The following SPIRE2 variants were observed in gnomAD, a reference collection of about 807,000 sequenced individuals.
SPIRE2 encodes the protein spire type actin nucleation factor 2, also known as protein spire homolog 2.
A neutral mutation model predicts 80.7 loss-of-function variants in SPIRE2; 76 were observed. That is an observed-to-expected ratio of 0.94 (90% confidence interval 0.78 to 1.14). SPIRE2 has a LOEUF of 1.14. SPIRE2 is among the 50% of genes most tolerant of loss of function. SPIRE2 has a pLI of 0.00. For missense variants in SPIRE2, 1,196 were observed against 1,015.3 expected, an observed-to-expected ratio of 1.18 and a Z score of -2.42; for synonymous variants, 535 against 432.6, an observed-to-expected ratio of 1.24 and a Z score of -2.94.
chr16:89,863,861 G>A lies in SPIRE2; in HGVS notation c.1778G>A (p.Arg593Lys). The A allele has an allele frequency of 1.2e-6, 2 of 1,612,976 alleles. No homozygotes were observed. The highest frequency in any genetic ancestry group is 1.7e-6 in the Non-Finnish European group (2 of 1,179,304). Residue 593 changes from arginine (R) to lysine (K), a missense_variant and splice_region_variant, in exon 12 of 15, where the codon AGA (arginine) becomes AAA (lysine). Arg to Lys is a conservative substitution (Grantham distance 26). Coordinates refer to ENST00000378247, the MANE Select transcript of SPIRE2 (RefSeq NM_032451.2). This position sits in a 1 kb window ranked among gnomAD's most constrained non-coding sequence, Gnocchi z 4.3. ...SWPPSCLFCKRAVCTSCSIKM... is the reference protein window; with the variant it reads ...SWPPSCLFCKKAVCTSCSIKM... ...CCGCCCAGCTGTCTCTTCTGCAAGA[G>A]GTGAGCCTTCCCTTTAGCTGTCAGT... is the stretch of plus-strand genomic sequence containing the variant.
rs1357102107 is a variant in SPIRE2, at chr16:89,870,417, C to T, written c.*145C>T. 3.4e-6 allele frequency: 2 copies of T among 593,944 alleles called. No individual in the cohort carries two copies. The highest frequency in any genetic ancestry group is 2.9e-5 in the East Asian group (1 of 35,038). The allele number at this position is 593,944 out of a possible 1,614,324, so 36.8% of individuals were successfully genotyped here. ...GTCTATATATTTATATACACTGTTT[C>T]CTGGCCCCAGAGCTCATTTGGGTTC... On this transcript the variant is annotated 3_prime_UTR_variant, in exon 15 of 15. Transcript: ENST00000378247.
Position 89,853,529 on chromosome 16 carries a change from G to A in SPIRE2, c.646-757G>A, listed in dbSNP as rs547457088. 1.1e-4 allele frequency among the ~76,000 whole-genome samples: 17 copies of A among 152,240 alleles called. 1 individual carries two copies. The highest frequency in any genetic ancestry group is 9.2e-4 in the Admixed American group (14 of 15,290). On this transcript the variant is annotated intron_variant, in intron 3 of 14. Coordinates refer to ENST00000378247, the MANE Select transcript of SPIRE2 (RefSeq NM_032451.2). ...CCCTTTGCCCTGGGCTGGCATACATGAGGCCTGTGGGCAGACACACACCTC... is the reference window on the plus strand; with the variant it reads ...CCCTTTGCCCTGGGCTGGCATACATAAGGCCTGTGGGCAGACACACACCTC...
At chr16:89,850,258 C>G in intron 2 of SPIRE2, 46 bp from the exon 3 acceptor site, 4 of 1,555,432 alleles carry the variant, frequency 2.6e-6, no homozygotes, top group Non-Finnish European at 3.5e-6. Flanking sequence ...TCTCCCCGCC[C>G]CACCCCCCTG....
At chr16:89,833,651 C>T (rs1038113046) in intron 1 of SPIRE2, among the ~76,000 whole-genome samples, 3 of 152,204 alleles carry the variant, frequency 2.0e-5, no homozygotes, top group African/African-American at 2.4e-5. Flanking sequence ...GTGGTGCTAA[C>T]GTCTGTGCAG....
chr16:89,850,263 C>A lies in SPIRE2; in HGVS notation c.289-41C>A, dbSNP rs1194024330. The A allele has an allele frequency of 2.5e-6, 4 of 1,569,314 alleles. No individual in the cohort carries two copies. In the South Asian group the frequency reaches 3.4e-5, roughly 13 times the overall value. On this transcript the variant is annotated intron_variant, in intron 2 of 14. Coordinates refer to ENST00000378247, the MANE Select transcript of SPIRE2 (RefSeq NM_032451.2). ...CCAGCCGCGTTCTCCCCGCCCCACCCCCCTGCAGTACCGCCCAGTGACCGC... is the reference window on the plus strand; with the variant it reads ...CCAGCCGCGTTCTCCCCGCCCCACCACCCTGCAGTACCGCCCAGTGACCGC...
In SPIRE2 at chr16:89,870,800, G is replaced by C. The variant is rs1212815420; in HGVS notation, c.*528G>C. ...GGAGGCACCCCCACCTGTTTGAAAG[G>C]TCTGGCCAGGCGTGGTGGTTCAGGC... On this transcript the variant is annotated 3_prime_UTR_variant, in exon 15 of 15. Coordinates refer to ENST00000378247, the MANE Select transcript of SPIRE2 (RefSeq NM_032451.2). 1 of 158,870 alleles carries C rather than the reference G, an allele frequency of 6.3e-6. No homozygotes were observed. The highest frequency in any genetic ancestry group is 1.4e-5 in the Non-Finnish European group (1 of 71,272). The allele number at this position is 158,870 out of a possible 1,614,324, so 9.8% of individuals were successfully genotyped here.
intron 1 of SPIRE2, chr16:89,836,491 G>A (rs2041450904): frequency 3.3e-6 from 1 of 300,500 alleles, no homozygotes; most frequent in Admixed American, 4.0e-5. Flanking sequence ...GCATTTCAGG[G>A]AAGTTGTGGA....
chr16:89,858,433 G>A lies in SPIRE2; in HGVS notation c.1198G>A (p.Ala400Thr), dbSNP rs767939662. The change falls in exon 8 of 15, where the codon GCC (alanine) becomes ACC (threonine). Residue 400 changes from alanine to threonine, a missense_variant. Transcript: ENST00000378247. The part of the protein sequence containing the change: ...NLSVTDAGGS[A>T]QRPRPRVLLK... ...GTCAGTCACAGATGCTGGGGGCAGC[G>A]CCCAGCGCCCGCGGCCCCGCGTGCT... is the stretch of plus-strand genomic sequence containing the variant. The A allele has an allele frequency of 1.8e-5, 29 of 1,611,676 alleles. No individual in the cohort carries two copies. The highest frequency in any genetic ancestry group is 1.7e-4 in the South Asian group (15 of 90,626).
intron 1 of SPIRE2, among the ~76,000 whole-genome samples, chr16:89,832,319 G>A (rs2041393681): frequency 6.6e-6 from 1 of 152,380 alleles, no homozygotes; most frequent in East Asian, 1.9e-4. Flanking sequence ...CAGTGGCCAG[G>A]ACTGTCTGGT....
chr16:89,854,263 C>G (rs771004250), intron 3 of SPIRE2, 23 bp from the exon 4 acceptor site: 6 of 1,608,000 alleles, frequency 3.7e-6, no homozygotes, highest in Admixed American at 3.4e-5. Context: ...CTCCCCTGGA[C>G]TGACGAGCAC....
At chr16:89,843,645 G>T in intron 1 of SPIRE2, among the ~76,000 whole-genome samples, 1 of 133,256 alleles carries the variant, frequency 7.5e-6, no homozygotes, top group Non-Finnish European at 1.6e-5. Flanking sequence ...CTCGATGGAT[G>T]GAGCTGCTGC....
At chr16:89,836,031 T>C (rs1003780345) in intron 1 of SPIRE2, among the ~76,000 whole-genome samples, 1 of 151,980 alleles carries the variant, frequency 6.6e-6, no homozygotes, top group Non-Finnish European at 1.5e-5. Flanking sequence ...AAAAATTTGC[T>C]GAGCTTGGTG....
At chr16:89,840,923 C>T (rs996905930) in intron 1 of SPIRE2, among the ~76,000 whole-genome samples, 14 of 152,068 alleles carry the variant, frequency 9.2e-5, no homozygotes, top group Non-Finnish European at 1.6e-4. Flanking sequence ...AGGCGTGAGC[C>T]ACCGCGCCCA....
chr16:89,859,229 T>G lies in SPIRE2; in HGVS notation c.1337T>G (p.Leu446Arg). 1.2e-6 allele frequency: 2 copies of G among 1,606,480 alleles called. No homozygotes were observed. The highest frequency in any genetic ancestry group is 1.7e-6 in the Non-Finnish European group (2 of 1,176,906). Residue 446 changes from leucine (L) to arginine (R), a missense_variant, in exon 9 of 15, where the codon CTG becomes CGG. By Grantham distance (102) the Leu-to-Arg change is moderately radical (BLOSUM62 -2). Transcript: ENST00000378247. Reference sequence around the variant, plus strand: ...GACCGCTCCTTCTCAGAGCATGACCTGGCCCAGCTCCGAAGTGAGGTGGCC... The same window carrying G: ...GACCGCTCCTTCTCAGAGCATGACCGGGCCCAGCTCCGAAGTGAGGTGGCC... ...KRDRSFSEHD[L>R]AQLRSEVASG...
At chr16:89,860,884 T>TGCTCAGACCCATCTC in intron 10 of SPIRE2, 89 bp downstream of exon 10, 1 of 793,088 alleles carries the variant, frequency 1.3e-6, no homozygotes, top group Non-Finnish European at 1.9e-6. Flanking sequence ...GGGAGATGGG[T>TGCTCAGACCCATCTC]CTGAGCACCT....
intron 3 of SPIRE2, 28 bp from the exon 4 acceptor site, chr16:89,854,258 C>G (rs773416677): frequency 6.2e-7 from 1 of 1,606,462 alleles, no homozygotes; most frequent in South Asian, 1.1e-5. Context: ...CGTACCTCCC[C>G]TGGACTGACG....
chr16:89,853,994 G>A (rs1338210755), intron 3 of SPIRE2, among the ~76,000 whole-genome samples: 1 of 152,266 alleles, frequency 6.6e-6, no homozygotes, highest in Non-Finnish European at 1.5e-5. Flanking sequence ...GGCCTGGCTG[G>A]GACCTAGAGC....
intron 3 of SPIRE2, 42 bp downstream of exon 3, chr16:89,850,702 C>A: frequency 8.2e-7 from 1 of 1,224,182 alleles, no homozygotes; most frequent in Non-Finnish European, 1.1e-6. Flanking sequence ...TCCGGGAGGC[C>A]AGGGAGGGGA....
intron 12 of SPIRE2, among the ~76,000 whole-genome samples, chr16:89,864,565 A>C (rs947940191): frequency 6.6e-6 from 1 of 152,306 alleles, no homozygotes; most frequent in South Asian, 2.1e-4. Flanking sequence ...CCCTTGTTCT[A>C]AAGATCTGAA....
Sources: gnomAD v4.1 joint callset for allele counts (sites outside exome capture counted in the v4.1 genomes callset) on GRCh38, gnomAD v4.1.1 for gene constraint, Gnocchi (gnomAD v3.1) non-coding constraint, MANE v1.5 for transcripts, NCBI Gene and HGNC (gene_info 2026-07-23, HGNC 2026-07-21) for gene names.